EXOC2: variants seen among roughly 807,000 people sequenced by gnomAD.
EXOC2 encodes the protein exocyst complex component 2.
In EXOC2, 70 loss-of-function variants were observed where a neutral mutation model predicts 131.8. That is an observed-to-expected ratio of 0.53 (90% CI 0.44 to 0.65). EXOC2 has a LOEUF of 0.65. Among genes scored for constraint, EXOC2 ranks in the 30% least tolerant of loss-of-function variants. The probability of loss-of-function intolerance (pLI) is 0.00; values close to 1 mark genes in which losing one functional copy is unlikely to be tolerated. For synonymous variants in EXOC2, 411 were observed against 398.4 expected, an observed-to-expected ratio of 1.03 and a Z score of -0.38; for missense variants, 923 against 1,108.6, an observed-to-expected ratio of 0.83 and a Z score of 2.38.
chr6:578,034 T>C (rs934051352), intron 11 of EXOC2, among the ~76,000 whole-genome samples: 5 of 152,206 alleles, frequency 3.3e-5, no homozygotes, highest in Non-Finnish European at 7.3e-5. Flanking sequence ...GTATTGCCTA[T>C]CTCCACCAAA....
chr6:495,424 T>G (rs1365089273), intron 25 of EXOC2, among the ~76,000 whole-genome samples: 1 of 151,778 alleles, frequency 6.6e-6, no homozygotes, highest in Non-Finnish European at 1.5e-5. Flanking sequence ...GCGCCCGGCC[T>G]GAACATTCTT....
intron 6 of EXOC2, among the ~76,000 whole-genome samples, chr6:614,111 T>C (rs1374661252): frequency 2.0e-5 from 3 of 152,150 alleles, no homozygotes; most frequent in Admixed American, 2.0e-4. Context: ...TGTCCTTAGG[T>C]CCTGGGAGGT....
At chr6:655,950 T>G (rs989653548) in intron 1 of EXOC2, 4 of 591,688 alleles carry the variant, frequency 6.8e-6, no homozygotes, top group African/African-American at 1.9e-5. Context: ...GTTTTACCAA[T>G]GCTTTAATAT....
At chr6:589,255 G>C (rs1235666524) in intron 11 of EXOC2, among the ~76,000 whole-genome samples, 1 of 152,094 alleles carries the variant, frequency 6.6e-6, no homozygotes. Context: ...CCGATCTAGA[G>C]AACTGACCGT....
intron 13 of EXOC2, among the ~76,000 whole-genome samples, chr6:570,456 T>C (rs1005967003): frequency 6.6e-6 from 1 of 152,226 alleles, no homozygotes; most frequent in African/African-American, 2.4e-5. Flanking sequence ...TCTAATTCTT[T>C]AGATGAGTTG....
intron 23 of EXOC2, among the ~76,000 whole-genome samples, chr6:501,764 T>C (rs1764219132): frequency 1.4e-5 from 2 of 146,312 alleles, no homozygotes; most frequent in South Asian, 4.2e-4. Flanking sequence ...AAAAACAGTG[T>C]GCTTATTAAG....
At position 656,892 on chromosome 6, in the gene EXOC2, T is replaced by A. The variant is rs201311004; in HGVS notation, c.-43-19031A>T. On this transcript the variant is annotated intron_variant, in intron 1 of 27. Transcript: ENST00000230449. ...TAGCCTCGCGACGGTGCCGCTGACG[T>A]GAATGAACAGCTCTAGACAGCCTTT... 2.8e-5 allele frequency: 45 copies of A among 1,596,518 alleles called. No individual in the cohort carries two copies. In the African/African-American group the frequency reaches 5.9e-4, roughly 21 times the overall value.
At chr6:539,001 C>T (rs889884653) in intron 22 of EXOC2, among the ~76,000 whole-genome samples, 8 of 150,498 alleles carry the variant, frequency 5.3e-5, no homozygotes, top group South Asian at 4.2e-4. Context: ...ACCCGGGAGG[C>T]GGAGGTTGCA....
chr6:528,549 C>T (rs577967036), intron 23 of EXOC2, among the ~76,000 whole-genome samples: 36 of 151,998 alleles, frequency 2.4e-4, no homozygotes, highest in Non-Finnish European at 4.4e-4. Context: ...AAACGAGCAC[C>T]GATGACTTCT....
chr6:569,090 A>G (rs969766049), intron 13 of EXOC2, among the ~76,000 whole-genome samples: 1 of 152,210 alleles, frequency 6.6e-6, no homozygotes, highest in African/African-American at 2.4e-5. Context: ...AGAAAATCTA[A>G]TTTTGGAATA....
At chr6:530,015 G>A (rs981871034) in intron 23 of EXOC2, among the ~76,000 whole-genome samples, 2 of 152,312 alleles carry the variant, frequency 1.3e-5, no homozygotes, top group African/African-American at 2.4e-5. Context: ...CTTGACAGTC[G>A]CATTTTAATT....
At position 491,225 on chromosome 6, in the gene EXOC2, T is replaced by G. The variant is rs375898835; in HGVS notation, c.2560-39A>C. 7 of 1,604,646 alleles carry G rather than the reference T, an allele frequency of 4.4e-6. No individual in the cohort carries two copies. The African/African-American group carries it at 5.4e-5, about 12-fold the overall frequency. ...AAAGACAAAGTGACAACAGGAAAAT[T>G]TATATTATCAAATATAAACAAGTAC... On this transcript the variant is annotated intron_variant, in intron 25 of 27. Transcript: ENST00000230449.
At chr6:533,532 CA>C (rs1766233456) in intron 22 of EXOC2, among the ~76,000 whole-genome samples, 1 of 151,958 alleles carries the variant, frequency 6.6e-6, no homozygotes, top group East Asian at 1.9e-4. Flanking sequence ...CTGTCATGGG[CA>C]AAAAGGAACA....
chr6:674,670 C>T (rs1764027280), intron 1 of EXOC2, among the ~76,000 whole-genome samples: 1 of 152,032 alleles, frequency 6.6e-6, no homozygotes, highest in South Asian at 2.1e-4. Flanking sequence ...GCTACTAAAT[C>T]CTAAAGCTGT....
chr6:562,486 A>G (rs1251030120), intron 17 of EXOC2, among the ~76,000 whole-genome samples: 1 of 152,248 alleles, frequency 6.6e-6, no homozygotes, highest in Non-Finnish European at 1.5e-5. Flanking sequence ...GGAAAAGCTC[A>G]AGTTGCTGAG....
At chr6:589,959 A>C (rs1175795779) in intron 11 of EXOC2, among the ~76,000 whole-genome samples, 2 of 152,158 alleles carry the variant, frequency 1.3e-5, no homozygotes, top group African/African-American at 4.8e-5. Flanking sequence ...CTAAAAATAC[A>C]AAAAAATTAG....
chr6:638,930 A>AATAATAT (rs1389634206), intron 1 of EXOC2, among the ~76,000 whole-genome samples: 3 of 146,548 alleles, frequency 2.0e-5, no homozygotes, highest in South Asian at 4.5e-4. Context: ...CTCTATCTCA[A>AATAATAT]ATAATAATAA....
At chr6:516,781 A>G (rs920556611) in intron 23 of EXOC2, among the ~76,000 whole-genome samples, 4 of 152,230 alleles carry the variant, frequency 2.6e-5, no homozygotes, top group African/African-American at 9.7e-5. Context: ...CCATAATTAG[A>G]TAAACAAAAC....
At chr6:564,402 C>G in intron 15 of EXOC2, 143 bp downstream of exon 15, 1 of 1,239,728 alleles carries the variant, frequency 8.1e-7, no homozygotes. Context: ...GCTTAGCTGT[C>G]AGATGATGAA....
Sources: allele counts gnomAD v4.1 joint callset (sites outside exome capture counted in the v4.1 genomes callset), GRCh38; gene constraint gnomAD v4.1.1; transcripts MANE v1.5; gene names NCBI Gene and HGNC (gene_info 2026-07-23, HGNC 2026-07-21).